PTPRK: variants seen among roughly 807,000 people sequenced by gnomAD.
PTPRK encodes receptor-type tyrosine-protein phosphatase kappa.
In PTPRK, 75 loss-of-function variants were observed where a neutral mutation model predicts 178.0. That is an observed-to-expected ratio of 0.42 (90% confidence interval 0.35 to 0.51). The LOEUF is 0.51. Ranked by LOEUF, PTPRK falls within the 20% of genes least tolerant of loss-of-function variation. The pLI, the probability that PTPRK is intolerant of heterozygous loss-of-function variation, is 0.02. For missense variants in PTPRK, 1,441 were observed against 1,797.8 expected, an observed-to-expected ratio of 0.80 and a Z score of 3.59; for synonymous variants, 637 against 620.6, an observed-to-expected ratio of 1.03 and a Z score of -0.39.
chr6:128,471,336 G>A (rs2128418499), intron 1 of PTPRK, among the ~76,000 whole-genome samples: 1 of 151,826 alleles, frequency 6.6e-6, no homozygotes, highest in African/African-American at 2.4e-5. Context: ...CAAGACATTT[G>A]GAAGTAGAAA....
At chr6:128,317,525 A>C (rs1158484278) in intron 3 of PTPRK, among the ~76,000 whole-genome samples, 2 of 152,174 alleles carry the variant, frequency 1.3e-5, no homozygotes, top group Non-Finnish European at 2.9e-5. Context: ...ATCCACAAAC[A>C]GTATGTGCTG....
At chr6:128,382,797 T>G (rs1838134309) in intron 2 of PTPRK, among the ~76,000 whole-genome samples, 1 of 152,168 alleles carries the variant, frequency 6.6e-6, no homozygotes, top group Non-Finnish European at 1.5e-5. Context: ...TCCACTCTAA[T>G]GATTTCTTGG....
intron 3 of PTPRK, among the ~76,000 whole-genome samples, chr6:128,306,570 A>G (rs74639481): frequency 0.013 from 1,902 of 152,158 alleles, 40 homozygotes; most frequent in African/African-American, 0.044. Flanking sequence ...TTGAAGCCAG[A>G]GTAGCTTGAG....
At chr6:128,489,886 C>T (rs1439928255) in intron 1 of PTPRK, among the ~76,000 whole-genome samples, 1 of 152,158 alleles carries the variant, frequency 6.6e-6, no homozygotes, top group African/African-American at 2.4e-5. Flanking sequence ...TTTCAGGAAG[C>T]TTCCCACACT....
chr6:128,126,742 G>A (rs1793444609), intron 7 of PTPRK, among the ~76,000 whole-genome samples: 1 of 152,320 alleles, frequency 6.6e-6, no homozygotes. Flanking sequence ...TCCCATCTTG[G>A]CCTCCCAAAG....
chr6:128,317,054 T>G (rs1828103714), intron 3 of PTPRK, among the ~76,000 whole-genome samples: 1 of 152,150 alleles, frequency 6.6e-6, no homozygotes, highest in African/African-American at 2.4e-5. Context: ...AGTGTAAAAA[T>G]AAGCCACGAT....
intron 3 of PTPRK, among the ~76,000 whole-genome samples, chr6:128,261,114 T>C (rs947477120): frequency 9.2e-5 from 14 of 152,212 alleles, no homozygotes; most frequent in Admixed American, 8.5e-4. Flanking sequence ...TTAAATTCCA[T>C]GTTGTCTTTA....
chr6:128,267,572 C>T (rs574238339), intron 3 of PTPRK, among the ~76,000 whole-genome samples: 1 of 152,136 alleles, frequency 6.6e-6, no homozygotes, highest in East Asian at 1.9e-4. Context: ...CAATAGTTGG[C>T]TATTACCAAT....
At chr6:128,365,766 T>A (rs1479446955) in intron 2 of PTPRK, among the ~76,000 whole-genome samples, 1 of 152,120 alleles carries the variant, frequency 6.6e-6, no homozygotes, top group Non-Finnish European at 1.5e-5. Flanking sequence ...AAGCCAATGA[T>A]CTTATGCAAT....
At chr6:128,152,818 A>C (rs1025218273) in intron 7 of PTPRK, among the ~76,000 whole-genome samples, 15 of 151,982 alleles carry the variant, frequency 9.9e-5, no homozygotes, top group Non-Finnish European at 2.1e-4. Flanking sequence ...AAAGTATTAA[A>C]ATAATATCAT....
intron 12 of PTPRK, among the ~76,000 whole-genome samples, chr6:128,067,281 G>A (rs1781959746): frequency 6.6e-6 from 1 of 152,132 alleles, no homozygotes; most frequent in South Asian, 2.1e-4. Flanking sequence ...GGGCTTTCCT[G>A]AGGAAGGCTC....
intron 3 of PTPRK, among the ~76,000 whole-genome samples, chr6:128,317,496 C>T (rs1165696616): frequency 6.6e-6 from 1 of 151,686 alleles, no homozygotes; most frequent in African/African-American, 2.4e-5. Flanking sequence ...TAAATTCTGC[C>T]ACGTGTCTCA....
intron 5 of PTPRK, among the ~76,000 whole-genome samples, chr6:128,239,365 A>G (rs1347492838): frequency 1.3e-5 from 2 of 152,298 alleles, no homozygotes; most frequent in Non-Finnish European, 2.9e-5. Context: ...CTAGCACCCT[A>G]GCACTGACAG....
rs1196436431 is a variant in PTPRK at position 127,990,900 on chromosome 6, G to A, written c.2980-15C>T. 1.4e-6 allele frequency: 2 copies of A among 1,456,942 alleles called. No homozygotes were observed. Among genetic ancestry groups the A allele is most frequent in the South Asian group, 2.3e-5 (2 of 87,682 alleles). The allele number at this position is 1,456,942 out of a possible 1,614,324, so 90.3% of individuals were successfully genotyped here. On this transcript the variant is annotated splice_polypyrimidine_tract_variant and intron_variant, in intron 20 of 29. Transcript: ENST00000368226. ...TAGCATTTAACCTAAGTGACAAAAA[G>A]AATATATAGACAGACCTGAATATAT...
chr6:128,060,933 T>C (rs1051903674), intron 13 of PTPRK, among the ~76,000 whole-genome samples: 4 of 152,180 alleles, frequency 2.6e-5, no homozygotes, highest in Non-Finnish European at 5.9e-5. Flanking sequence ...CAGACAGTAC[T>C]GTAACCTGTT....
chr6:128,158,409 T>A (rs532051467), intron 7 of PTPRK, among the ~76,000 whole-genome samples: 1 of 151,950 alleles, frequency 6.6e-6, no homozygotes, highest in African/African-American at 2.4e-5. Flanking sequence ...TAAAGTATAA[T>A]AATAAAGAAA....
chr6:128,260,743 C>T (rs545628093), intron 3 of PTPRK, among the ~76,000 whole-genome samples: 74 of 152,250 alleles, frequency 4.9e-4, no homozygotes, highest in Middle Eastern at 3.4e-3. Context: ...CGTTCAACTC[C>T]AGTATTTAAG....
intron 13 of PTPRK, among the ~76,000 whole-genome samples, chr6:128,010,704 G>A (rs756119475): frequency 1.8e-4 from 27 of 151,184 alleles, no homozygotes; most frequent in African/African-American, 4.1e-4. Flanking sequence ...AAATAAAAGC[G>A]TCAGAACAGT....
intron 3 of PTPRK, among the ~76,000 whole-genome samples, chr6:128,266,472 C>T (rs143962817): frequency 2.0e-4 from 31 of 152,202 alleles, no homozygotes; most frequent in African/African-American, 4.1e-4. Flanking sequence ...AATAAGTTTA[C>T]GTGCAATTTG....
Sources: allele counts gnomAD v4.1 joint callset (sites outside exome capture counted in the v4.1 genomes callset), GRCh38; gene constraint gnomAD v4.1.1; transcripts MANE v1.5; gene names NCBI Gene and HGNC (gene_info 2026-07-23, HGNC 2026-07-21).